Variants in FUT8 observed in about 807,000 individuals in gnomAD.
The protein encoded by FUT8 is alpha-(1,6)-fucosyltransferase.
Under a neutral mutation model 71.3 loss-of-function variants are expected in FUT8, and 29 were observed. The ratio of observed to expected loss-of-function variants is 0.41; its 90% CI spans 0.30 to 0.55. The LOEUF is 0.55. Among genes scored for constraint, FUT8 ranks in the 20% least tolerant of loss-of-function variants. FUT8 has a pLI of 0.34. For synonymous variants in FUT8, 254 were observed against 239.3 expected (o/e 1.06, Z -0.57); for missense variants, 544 against 702.1 (o/e 0.77, Z 2.55).
At chr14:65,412,144 T>G, upstream of FUT8, 1 of 456,598 alleles carries the variant, frequency 2.2e-6, no homozygotes, top group Non-Finnish European at 4.4e-6. Flanking sequence ...GGGGTCTTTC[T>G]CTTCGAGTGA....
chr14:65,688,741 G>A (rs1400529409), intron 7 of FUT8, among the ~76,000 whole-genome samples: 1 of 152,074 alleles, frequency 6.6e-6, no homozygotes, highest in South Asian at 2.1e-4. Flanking sequence ...TGAGATTGCT[G>A]GATCATATGG....
At chr14:65,600,400 T>C (rs1014298901) in intron 3 of FUT8, among the ~76,000 whole-genome samples, 5 of 152,228 alleles carry the variant, frequency 3.3e-5, no homozygotes, top group Non-Finnish European at 7.4e-5. Flanking sequence ...AAGCAACTAC[T>C]ATGTGTCGTG....
Position 65,480,755 on chromosome 14 carries a change from C to T in FUT8, c.-228+25037C>T, listed in dbSNP as rs374753476. Among the ~76,000 whole-genome samples, 114 of 151,916 alleles carry T rather than the reference C, an allele frequency of 7.5e-4. 1 individual carries two copies. Among genetic ancestry groups the T allele is most frequent in the African/African-American group, 1.9e-3 (80 of 41,414 alleles). ...AGGCTGGAGCGTAGTGGTACTATCT[C>T]GGCTCACTGCAACCACTGCCTTCTG... On this transcript the variant is annotated intron_variant, in intron 2 of 10. Transcript: ENST00000673929.
At chr14:65,361,406 G>A in the FUT8 span, among the ~76,000 whole-genome samples, 1 of 149,140 alleles carries the variant, frequency 6.7e-6, no homozygotes, top group African/African-American at 2.5e-5. Flanking sequence ...TAGAGACCTT[G>A]TAAGGATACT....
At chr14:65,507,757 A>G (rs1367396019) in intron 2 of FUT8, among the ~76,000 whole-genome samples, 1 of 152,260 alleles carries the variant, frequency 6.6e-6, no homozygotes, top group Non-Finnish European at 1.5e-5. Context: ...GTGCTACAGT[A>G]AACATGGGAG....
chr14:65,542,064 C>A (rs1347665705), intron 2 of FUT8, among the ~76,000 whole-genome samples: 2 of 152,132 alleles, frequency 1.3e-5, no homozygotes, highest in Non-Finnish European at 2.9e-5. Flanking sequence ...GATAATAATA[C>A]CTACCTACGT....
At position 65,616,026 on chromosome 14, in the gene FUT8, C is replaced by T. The variant is rs143692136; in HGVS notation, c.252C>T (p.Arg84=). 64 of 1,613,830 alleles carry T rather than the reference C, an allele frequency of 4.0e-5. No homozygotes were observed. Among genetic ancestry groups the T allele is most frequent in the African/African-American group, 1.5e-4 (11 of 74,900 alleles). Reference sequence around the variant, plus strand: ...AGGGGCCAGCTATAGGAAGAGTACGCGTTTTAGAAGAGCAGCTTGTTAAGG... The same window carrying T: ...AGGGGCCAGCTATAGGAAGAGTACGTGTTTTAGAAGAGCAGCTTGTTAAGG... ...IDQGPAIGRV[R]VLEEQLVKAK... is the part of the protein sequence containing the mutation. Residue 84 remains arginine, a synonymous_variant, in exon 4 of 11, where the codon CGC becomes CGT. Transcript: ENST00000673929.
intron 7 of FUT8, among the ~76,000 whole-genome samples, chr14:65,718,178 T>C (rs754631734): frequency 6.6e-5 from 10 of 152,176 alleles, no homozygotes; most frequent in Non-Finnish European, 1.5e-4. Context: ...TTAGTGAAGG[T>C]GATTTTCTCT....
chr14:65,407,903 G>T (rs1211209421), upstream of FUT8, among the ~76,000 whole-genome samples: 1 of 152,148 alleles, frequency 6.6e-6, no homozygotes, highest in African/African-American at 2.4e-5. Flanking sequence ...AGGTTGACTT[G>T]CTCATATCTG....
rs545435851 is a variant in FUT8, at chr14:65,607,427, A to AT, written c.204-8545dup. Among the ~76,000 whole-genome samples, 102 of 151,936 alleles carry AT rather than the reference A, an allele frequency of 6.7e-4. 1 individual carries two copies. Among genetic ancestry groups the AT allele is most frequent in the African/African-American group, 2.3e-3 (97 of 41,518 alleles). ...AATAAGTATTAAATTTTATCTAATG[A>AT]TTTTTTGTTTCCATTGAGATTGTAA... is the stretch of plus-strand genomic sequence containing the variant. On this transcript the variant is annotated intron_variant, in intron 3 of 10. Coordinates refer to ENST00000673929, the MANE Select transcript of FUT8 (RefSeq NM_001371533.1). This position sits in a 1 kb window ranked among gnomAD's most constrained non-coding sequence, Gnocchi z 4.1.
intron 5 of FUT8, among the ~76,000 whole-genome samples, chr14:65,618,315 G>A (rs551863000): frequency 2.0e-4 from 31 of 151,868 alleles, no homozygotes; most frequent in African/African-American, 7.5e-4. Context: ...ATAAGAAATG[G>A]GCCCCTGAGA....
At chr14:65,487,028 T>A (rs567529395) in intron 2 of FUT8, among the ~76,000 whole-genome samples, 49 of 152,304 alleles carry the variant, frequency 3.2e-4, no homozygotes, top group Non-Finnish European at 7.3e-5. Flanking sequence ...ATAGTTTAGA[T>A]GAAAATCAGC....
intron 6 of FUT8, among the ~76,000 whole-genome samples, chr14:65,642,083 C>T (rs556583000): frequency 7.9e-5 from 12 of 151,984 alleles, no homozygotes; most frequent in Admixed American, 2.6e-4. Flanking sequence ...TTTTGTATTT[C>T]GTATTTATGA....
At chr14:65,408,988 A>G (rs888622908), upstream of FUT8, among the ~76,000 whole-genome samples, 3 of 152,100 alleles carry the variant, frequency 2.0e-5, no homozygotes, top group South Asian at 6.2e-4. Context: ...TTTTTTCCCT[A>G]TATTTCATTT....
At chr14:65,383,947 G>A in the FUT8 span, among the ~76,000 whole-genome samples, 7 of 148,136 alleles carry the variant, frequency 4.7e-5, no homozygotes, top group Non-Finnish European at 4.6e-5. Flanking sequence ...CATGGGAAAG[G>A]GGCCATCAGT....
chr14:65,518,649 C>T (rs973003621), intron 2 of FUT8, among the ~76,000 whole-genome samples: 2 of 152,136 alleles, frequency 1.3e-5, no homozygotes, highest in Admixed American at 1.3e-4. Flanking sequence ...CTCCACCACC[C>T]AAATAGCTGG....
At chr14:65,459,989 A>T (rs757074021) in intron 2 of FUT8, among the ~76,000 whole-genome samples, 1 of 152,214 alleles carries the variant, frequency 6.6e-6, no homozygotes, top group Non-Finnish European at 1.5e-5. Context: ...GATATTTGAT[A>T]GATAGGCTTG....
the FUT8 span, among the ~76,000 whole-genome samples, chr14:65,404,535 G>C: frequency 2.2e-3 from 339 of 151,690 alleles, 1 homozygote; most frequent in Non-Finnish European, 3.8e-3. Context: ...GAGTGCAGTG[G>C]CGCAATCTCA....
At chr14:65,508,273 C>T (rs1383754375) in intron 2 of FUT8, among the ~76,000 whole-genome samples, 1 of 151,670 alleles carries the variant, frequency 6.6e-6, no homozygotes, top group Non-Finnish European at 1.5e-5. Context: ...AGGGTTTCAC[C>T]ATGTTGCCGA....
Sources: gnomAD v4.1 joint callset for allele counts (sites outside exome capture counted in the v4.1 genomes callset) on GRCh38, gnomAD v4.1.1 for gene constraint, Gnocchi (gnomAD v3.1) non-coding constraint, MANE v1.5 for transcripts, NCBI Gene and HGNC (gene_info 2026-07-23, HGNC 2026-07-21) for gene names.